Variants in LRRC4C observed in about 807,000 individuals in gnomAD.
The protein encoded by LRRC4C is leucine-rich repeat-containing protein 4C.
In LRRC4C, 5 loss-of-function variants were observed where a neutral mutation model predicts 33.6. The observed-to-expected ratio is 0.15, with a 90% CI of 0.08 to 0.31. LRRC4C has a LOEUF of 0.31. Ranked by LOEUF, LRRC4C falls within the 10% of genes least tolerant of loss-of-function variation. The pLI, the probability that LRRC4C is intolerant of heterozygous loss-of-function variation, is 1.00. For synonymous variants in LRRC4C, 329 were observed against 302.0 expected, an observed-to-expected ratio of 1.09 and a Z score of -0.93; for missense variants, 560 against 796.7, an observed-to-expected ratio of 0.70 and a Z score of 3.58.
At chr11:40,507,721 A>G (rs950214313) in intron 3 of LRRC4C, among the ~76,000 whole-genome samples, 1 of 150,514 alleles carries the variant, frequency 6.6e-6, no homozygotes, top group Non-Finnish European at 1.5e-5. Flanking sequence ...AATCTTCATT[A>G]TAAGGCACTA....
chr11:40,694,887 A>AAT (rs1945410957), intron 2 of LRRC4C, among the ~76,000 whole-genome samples: 2 of 151,880 alleles, frequency 1.3e-5, no homozygotes, highest in Non-Finnish European at 2.9e-5. Context: ...TTCTTTTATC[A>AAT]TCATCGTAGC....
intron 3 of LRRC4C, among the ~76,000 whole-genome samples, chr11:40,368,003 C>T (rs1379997500): frequency 6.6e-6 from 1 of 152,156 alleles, no homozygotes; most frequent in Non-Finnish European, 1.5e-5. Context: ...CACTGCATGT[C>T]ACTGACCGTC....
At chr11:40,627,276 CGA>C (rs10649436) in intron 3 of LRRC4C, among the ~76,000 whole-genome samples, 3 of 146,400 alleles carry the variant, frequency 2.0e-5, no homozygotes, top group Non-Finnish European at 4.5e-5. Flanking sequence ...AGAGAGAGAG[CGA>C]GAGAGAGAGA....
chr11:41,044,245 G>A (rs975756838), intron 1 of LRRC4C, among the ~76,000 whole-genome samples: 8 of 152,134 alleles, frequency 5.3e-5, no homozygotes, highest in Non-Finnish European at 7.4e-5. Flanking sequence ...GGAAAACTTC[G>A]AACCGTGTCA....
intron 1 of LRRC4C, among the ~76,000 whole-genome samples, chr11:41,459,200 T>C (rs1250458832): frequency 6.6e-6 from 1 of 152,042 alleles, no homozygotes; most frequent in African/African-American, 2.4e-5. Context: ...AAATGTTAGA[T>C]AAACAAGAGA....
intron 2 of LRRC4C, among the ~76,000 whole-genome samples, chr11:40,831,108 G>T (rs905243935): frequency 6.6e-6 from 1 of 152,202 alleles, no homozygotes; most frequent in East Asian, 1.9e-4. Context: ...AAGCAAAAGA[G>T]GGGCATAATT....
intron 3 of LRRC4C, among the ~76,000 whole-genome samples, chr11:40,562,416 C>A (rs1478151049): frequency 6.6e-6 from 1 of 152,048 alleles, no homozygotes; most frequent in East Asian, 1.9e-4. Context: ...GTAAATAATT[C>A]TTTAAAAAAC....
At chr11:40,338,467 A>C (rs1259669384) in intron 3 of LRRC4C, among the ~76,000 whole-genome samples, 1 of 152,192 alleles carries the variant, frequency 6.6e-6, no homozygotes, top group African/African-American at 2.4e-5. Flanking sequence ...CAAAGGACTA[A>C]AGTTCTGTTG....
chr11:41,009,904 A>G (rs1434851491), intron 1 of LRRC4C, among the ~76,000 whole-genome samples: 1 of 152,332 alleles, frequency 6.6e-6, no homozygotes, highest in East Asian at 1.9e-4. Flanking sequence ...TAATCAATTT[A>G]TAATGAGGCC....
intron 1 of LRRC4C, among the ~76,000 whole-genome samples, chr11:41,395,345 T>A (rs1181595679): frequency 1.3e-5 from 2 of 151,976 alleles, no homozygotes; most frequent in East Asian, 3.9e-4. Flanking sequence ...AGAAATGCTG[T>A]ATAACCTCAT....
At chr11:40,865,947 G>C (rs955016668) in intron 2 of LRRC4C, among the ~76,000 whole-genome samples, 9 of 151,762 alleles carry the variant, frequency 5.9e-5, no homozygotes, top group African/African-American at 1.9e-4. Flanking sequence ...AAAATCTGTA[G>C]ATTTTTTTAA....
chr11:41,234,361 T>C (rs185220992), intron 1 of LRRC4C, among the ~76,000 whole-genome samples: 2 of 152,138 alleles, frequency 1.3e-5, no homozygotes, highest in Admixed American at 1.3e-4. Context: ...TATCATTTCT[T>C]TTTTGGTGAG....
chr11:40,300,787 T>G (rs1263476345), intron 4 of LRRC4C, among the ~76,000 whole-genome samples: 4 of 152,240 alleles, frequency 2.6e-5, no homozygotes, highest in Non-Finnish European at 5.9e-5. Context: ...CAAGGTTTGC[T>G]TTTTGAAATT....
intron 5 of LRRC4C, among the ~76,000 whole-genome samples, chr11:40,161,628 GC>G (rs1859162931): frequency 6.6e-6 from 1 of 152,040 alleles, no homozygotes; most frequent in Non-Finnish European, 1.5e-5. Flanking sequence ...GCAGTGTTGT[GC>G]CTGTAGTCCT....
At chr11:41,047,629 T>C (rs541751026) in intron 1 of LRRC4C, among the ~76,000 whole-genome samples, 1 of 152,176 alleles carries the variant, frequency 6.6e-6, no homozygotes. Flanking sequence ...TTTCAAGCAG[T>C]GCTTTGATGA....
intron 2 of LRRC4C, among the ~76,000 whole-genome samples, chr11:40,660,989 A>G (rs1028001374): frequency 1.3e-5 from 2 of 152,216 alleles, no homozygotes; most frequent in African/African-American, 4.8e-5. Context: ...CTGAATATAA[A>G]TGAATAAAGG....
intron 2 of LRRC4C, among the ~76,000 whole-genome samples, chr11:40,798,920 G>T (rs1049990489): frequency 1.3e-5 from 2 of 152,134 alleles, no homozygotes; most frequent in African/African-American, 4.8e-5. Flanking sequence ...CTGGGATTAC[G>T]AGCGTGAGCC....
At chr11:40,535,430 A>G (rs1956430666) in intron 3 of LRRC4C, among the ~76,000 whole-genome samples, 1 of 152,180 alleles carries the variant, frequency 6.6e-6, no homozygotes, top group Non-Finnish European at 1.5e-5. Context: ...CCTTGATTCA[A>G]GCCATTTTAC....
At chr11:41,074,218 T>A (rs1590441148) in intron 1 of LRRC4C, among the ~76,000 whole-genome samples, 2 of 152,282 alleles carry the variant, frequency 1.3e-5, no homozygotes, top group East Asian at 3.9e-4. Context: ...AATACACCAC[T>A]TCTTTAAGAG....
Sources: gnomAD v4.1 joint callset for allele counts (sites outside exome capture counted in the v4.1 genomes callset) on GRCh38, gnomAD v4.1.1 for gene constraint, MANE v1.5 for transcripts, NCBI Gene and HGNC (gene_info 2026-07-23, HGNC 2026-07-21) for gene names.